Variants in PRKCQ observed in about 807,000 individuals in gnomAD.
The protein encoded by PRKCQ is protein kinase C theta, also known as protein kinase C theta type.
In PRKCQ, 41 loss-of-function variants were observed where a neutral mutation model predicts 91.2. That is an observed-to-expected ratio of 0.45 (90% CI 0.35 to 0.58). The LOEUF is 0.58. Ranked by LOEUF, PRKCQ falls within the 20% of genes least tolerant of loss-of-function variation. The pLI is 0.00. For missense variants in PRKCQ, 673 were observed against 896.5 expected, an observed-to-expected ratio of 0.75 and a Z score of 3.18; for synonymous variants, 307 against 316.9, an observed-to-expected ratio of 0.97 and a Z score of 0.33.
At chr10:6,553,071 GT>G (rs2130938288) in intron 1 of PRKCQ, among the ~76,000 whole-genome samples, 1 of 152,256 alleles carries the variant, frequency 6.6e-6, no homozygotes, top group Admixed American at 6.5e-5. Context: ...CGTTTAGCCT[GT>G]GGCTATCAGA....
chr10:6,449,276 C>T (rs1323154581), intron 15 of PRKCQ, among the ~76,000 whole-genome samples: 6 of 149,048 alleles, frequency 4.0e-5, no homozygotes, highest in Admixed American at 2.7e-4. Flanking sequence ...TCGAGAACTA[C>T]ATGAAGAATG....
chr10:6,476,829 G>A (rs1186053423), intron 12 of PRKCQ, among the ~76,000 whole-genome samples: 1 of 152,340 alleles, frequency 6.6e-6, no homozygotes, highest in African/African-American at 2.4e-5. Flanking sequence ...CTAGACAACA[G>A]TACGGAGAGG....
At chr10:6,450,792 G>A (rs548079275) in intron 15 of PRKCQ, among the ~76,000 whole-genome samples, 105 of 150,776 alleles carry the variant, frequency 7.0e-4, no homozygotes, top group Non-Finnish European at 1.3e-3. Flanking sequence ...CTGCTCAACT[G>A]TGTGGAAACT....
chr10:6,399,721 C>A, the PRKCQ span, among the ~76,000 whole-genome samples: 6 of 152,212 alleles, frequency 3.9e-5, no homozygotes, highest in African/African-American at 1.4e-4. Flanking sequence ...CTGGCCTTTC[C>A]CCCTAGAGTC....
chr10:6,404,484 T>G, the PRKCQ span, among the ~76,000 whole-genome samples: 1 of 149,674 alleles, frequency 6.7e-6, no homozygotes, highest in Non-Finnish European at 1.5e-5. Flanking sequence ...TTTTCTTTCT[T>G]TCTCTCTTTC....
chr10:6,493,634 G>C (rs1274215684), intron 7 of PRKCQ, among the ~76,000 whole-genome samples: 2 of 152,222 alleles, frequency 1.3e-5, no homozygotes, highest in African/African-American at 4.8e-5. Flanking sequence ...GAGGTTAACA[G>C]TGATTCAGAG....
intron 1 of PRKCQ, among the ~76,000 whole-genome samples, chr10:6,543,004 T>G (rs912036049): frequency 6.6e-6 from 1 of 152,230 alleles, no homozygotes; most frequent in Non-Finnish European, 1.5e-5. Context: ...GTCCTTTCCC[T>G]GCGTTGAGTC....
chr10:6,443,730 G>A (rs1834091701), intron 15 of PRKCQ, among the ~76,000 whole-genome samples: 1 of 152,158 alleles, frequency 6.6e-6, no homozygotes, highest in South Asian at 2.1e-4. Flanking sequence ...AGCCTTCAAG[G>A]TGAAGGGAAA....
At chr10:6,548,904 G>A (rs1446493807) in intron 1 of PRKCQ, among the ~76,000 whole-genome samples, 1 of 152,022 alleles carries the variant, frequency 6.6e-6, no homozygotes, top group African/African-American at 2.4e-5. Flanking sequence ...AAAAAAAGAA[G>A]ATGTTATACT....
chr10:6,445,656 C>A (rs2132271485), intron 15 of PRKCQ, among the ~76,000 whole-genome samples: 1 of 152,300 alleles, frequency 6.6e-6, no homozygotes, highest in African/African-American at 2.4e-5. Flanking sequence ...TGCAATGTTA[C>A]TGATTTCCAA....
At chr10:6,558,546 G>T (rs1014870820) in intron 1 of PRKCQ, among the ~76,000 whole-genome samples, 1 of 152,192 alleles carries the variant, frequency 6.6e-6, no homozygotes, top group Non-Finnish European at 1.5e-5. Flanking sequence ...AACTTAAGCT[G>T]ATGGTTTAGC....
At chr10:6,514,885 G>A (rs923445175) in intron 2 of PRKCQ, 133 bp downstream of exon 2, 18 of 1,436,792 alleles carry the variant, frequency 1.3e-5, no homozygotes, top group African/African-American at 4.3e-5. Flanking sequence ...GCTTTGCTGG[G>A]CATCAGCGTC....
At chr10:6,477,273 G>T (rs1016629153) in intron 12 of PRKCQ, among the ~76,000 whole-genome samples, 4 of 152,172 alleles carry the variant, frequency 2.6e-5, no homozygotes, top group African/African-American at 9.7e-5. Flanking sequence ...AGTTCTCAAG[G>T]TCGGGAGCTG....
At chr10:6,484,928 T>C (rs1836818078) in intron 10 of PRKCQ, among the ~76,000 whole-genome samples, 1 of 152,212 alleles carries the variant, frequency 6.6e-6, no homozygotes, top group Non-Finnish European at 1.5e-5. Flanking sequence ...CATTTGTGGT[T>C]GTTCCCTCCA....
At chr10:6,551,993 G>A (rs1840203892) in intron 1 of PRKCQ, among the ~76,000 whole-genome samples, 1 of 152,038 alleles carries the variant, frequency 6.6e-6, no homozygotes, top group African/African-American at 2.4e-5. Context: ...TTATTCTTTG[G>A]CTTTTCAGTA....
the PRKCQ span, among the ~76,000 whole-genome samples, chr10:6,405,928 C>T: frequency 1.3e-5 from 2 of 152,218 alleles, no homozygotes; most frequent in Admixed American, 6.5e-5. Context: ...GGGAGACCCT[C>T]AGTGGGAATG....
At chr10:6,544,192 A>G (rs1279822422) in intron 1 of PRKCQ, among the ~76,000 whole-genome samples, 3 of 152,222 alleles carry the variant, frequency 2.0e-5, no homozygotes, top group African/African-American at 7.2e-5. Flanking sequence ...GGGAAAATCA[A>G]CCTGAAGGAA....
At chr10:6,513,838 C>T (rs1302092901) in intron 2 of PRKCQ, among the ~76,000 whole-genome samples, 2 of 152,160 alleles carry the variant, frequency 1.3e-5, no homozygotes, top group Non-Finnish European at 2.9e-5. Flanking sequence ...AAGTCTGAGT[C>T]AGTTTCTTCT....
intron 16 of PRKCQ, among the ~76,000 whole-genome samples, chr10:6,439,282 T>C (rs1016036365): frequency 5.3e-5 from 8 of 152,176 alleles, no homozygotes; most frequent in East Asian, 1.9e-4. Flanking sequence ...TCCGTTTTGA[T>C]GGTGAATTCT....
Sources: allele counts gnomAD v4.1 joint callset (sites outside exome capture counted in the v4.1 genomes callset), GRCh38; gene constraint gnomAD v4.1.1; transcripts MANE v1.5; gene names NCBI Gene and HGNC (gene_info 2026-07-23, HGNC 2026-07-21).